The following LRRC36 variants were observed in gnomAD, a reference collection of about 807,000 sequenced individuals.
LRRC36 encodes leucine rich repeat containing 36.
In LRRC36, 62 loss-of-function variants were observed where a neutral mutation model predicts 81.1. That is an observed-to-expected ratio of 0.76 (90% CI 0.62 to 0.94). The LOEUF (loss-of-function observed/expected upper bound fraction) is 0.94, where lower values mean the gene tolerates loss of function less well. LRRC36 is among the 40% of genes least tolerant of loss of function. LRRC36 has a pLI of 0.00. For missense variants in LRRC36, 761 were observed against 881.7 expected, an observed-to-expected ratio of 0.86 and a Z score of 1.73; for synonymous variants, 334 against 348.6, an observed-to-expected ratio of 0.96 and a Z score of 0.47.
chr16:67,358,537 G>A (rs2039003706), intron 5 of LRRC36, among the ~76,000 whole-genome samples: 1 of 150,248 alleles, frequency 6.7e-6, no homozygotes, highest in African/African-American at 2.5e-5. Context: ...ATTTTTTGTG[G>A]AGATAAGGTC....
chr16:67,359,162 A>G (rs1024980147), intron 5 of LRRC36, among the ~76,000 whole-genome samples: 3 of 152,044 alleles, frequency 2.0e-5, no homozygotes, highest in Non-Finnish European at 2.9e-5. Context: ...CAGCAATTCC[A>G]CTCCTAGGTA....
chr16:67,378,315 C>T (rs952490257), intron 11 of LRRC36, among the ~76,000 whole-genome samples: 2 of 142,710 alleles, frequency 1.4e-5, no homozygotes, highest in African/African-American at 5.6e-5. Flanking sequence ...TCTCAGCTCA[C>T]TGCAACCTCC....
chr16:67,359,921 G>A (rs755222541), intron 5 of LRRC36, among the ~76,000 whole-genome samples: 23 of 152,082 alleles, frequency 1.5e-4, no homozygotes, highest in Non-Finnish European at 2.9e-4. Flanking sequence ...TCAGGAGTTC[G>A]AGACCAGCCT....
intron 5 of LRRC36, among the ~76,000 whole-genome samples, chr16:67,353,504 A>T (rs1266669149): frequency 6.6e-6 from 1 of 152,046 alleles, no homozygotes; most frequent in Non-Finnish European, 1.5e-5. Context: ...CTCGTGCCTC[A>T]GCCTTTGGAA....
Position 67,384,988 on chromosome 16 carries a change from T to C in LRRC36, c.2164T>C (p.Phe722Leu). 6.2e-7 allele frequency: 1 copy of C among 1,614,202 alleles called. No homozygotes were observed. The highest frequency in any genetic ancestry group is 2.2e-5 in the East Asian group (1 of 44,880). Residue 722 changes from phenylalanine (F) to leucine (L), a missense_variant, in exon 14 of 14, where the codon TTT becomes CTT. By Grantham distance (22) the Phe-to-Leu change is conservative. Transcript: ENST00000329956. ...KGHHLGRSSP[F>L]GKSTLSSSSP... ...TCATCATCTGGGGAGATCATCGCCC[T>C]TTGGGAAAAGCACGTTGTCTTCCTC...
intron 1 of LRRC36, among the ~76,000 whole-genome samples, chr16:67,340,975 AATATAGAATATGTATATTAT>A (rs1053715063): frequency 2.8e-5 from 4 of 142,252 alleles, no homozygotes; most frequent in Non-Finnish European, 6.1e-5. Flanking sequence ...TATTCTATAG[AATATAGAATATGTATATTAT>A]ATATAGAATA....
chr16:67,367,167 C>T lies in LRRC36; in HGVS notation c.905C>T (p.Thr302Ile). 6.2e-7 allele frequency: 1 copy of T among 1,614,168 alleles called. No homozygotes were observed. The highest frequency in any genetic ancestry group is 1.1e-5 in the South Asian group (1 of 91,082). ...CCAAAACCTGATACTTTTCATCTTA[C>T]CCATGATGCCTCATTGAGTAAATGC... The part of the protein sequence containing the change: ...LIPKPDTFHL[T>I]HDASLSKCLD... Residue 302 changes from threonine (T) to isoleucine (I), a missense_variant, in exon 8 of 14, where the codon ACC becomes ATC. By Grantham distance (89) the Thr-to-Ile change is moderately conservative. This residue lies in a region of LRRC36 where 139 missense variants were observed against 214.0 expected (regional missense o/e 0.65). Coordinates refer to ENST00000329956, the MANE Select transcript of LRRC36 (RefSeq NM_018296.6).
rs1463850975 is a variant in LRRC36, at chr16:67,363,620, C to G, written c.608C>G (p.Pro203Arg). The G allele has an allele frequency of 1.2e-6, 2 of 1,613,842 alleles. No homozygotes were observed. Among genetic ancestry groups the G allele is most frequent in the African/African-American group, 2.7e-5 (2 of 74,900 alleles). ...DSNKGLFIPF[P>R]NREIKDSLST... is the part of the protein sequence containing the mutation. The stretch of plus-strand genomic sequence containing the variant: ...AACAAAGGACTTTTTATTCCCTTCC[C>G]CAACCGGGAAATAAAGGATTCCCTA... The change falls in exon 6 of 14, where the codon CCC (proline) becomes CGC (arginine). Residue 203 changes from proline to arginine, a missense_variant. By Grantham distance (103) the Pro-to-Arg change is moderately radical (BLOSUM62 -2). This residue lies in a region of LRRC36 where 263 missense variants were observed against 279.3 expected (regional missense o/e 0.94). Coordinates refer to ENST00000329956, the MANE Select transcript of LRRC36 (RefSeq NM_018296.6).
chr16:67,378,010 A>G (rs2039970359), intron 11 of LRRC36, among the ~76,000 whole-genome samples: 1 of 152,236 alleles, frequency 6.6e-6, no homozygotes, highest in Admixed American at 6.5e-5. Context: ...ATCACTAAGA[A>G]TGCTGGCCAT....
chr16:67,357,584 T>G (rs946748707), intron 5 of LRRC36, among the ~76,000 whole-genome samples: 1 of 152,218 alleles, frequency 6.6e-6, no homozygotes, highest in Non-Finnish European at 1.5e-5. Flanking sequence ...AGAATGTCCC[T>G]TACTAGGCTG....
chr16:67,385,136 C>G lies in LRRC36; in HGVS notation c.*47C>G, dbSNP rs770674684. ...ACAGCTTCCCTGGTCCACAGAGGCT[C>G]TCACCGCCATTGCCACCAGTATGGT... On this transcript the variant is annotated 3_prime_UTR_variant, in exon 14 of 14. Coordinates refer to ENST00000329956, the MANE Select transcript of LRRC36 (RefSeq NM_018296.6). The G allele has an allele frequency of 2.1e-6, 3 of 1,448,666 alleles. No individual in the cohort carries two copies. Among genetic ancestry groups the G allele is most frequent in the Middle Eastern group, 4.4e-4 (2 of 4,576 alleles). 89.7% of individuals were successfully genotyped at this position (1,448,666 alleles called of 1,614,324 possible). A position where few individuals can be genotyped will look rare whatever the true frequency, so the allele number is the denominator to read the frequency against.
intron 3 of LRRC36, 82 bp downstream of exon 3, chr16:67,346,530 A>T: frequency 1.3e-6 from 1 of 790,268 alleles, no homozygotes; most frequent in Non-Finnish European, 2.0e-6. Flanking sequence ...GTTGGCCCAC[A>T]GTGTGCACTG....
intron 5 of LRRC36, among the ~76,000 whole-genome samples, chr16:67,358,660 C>T (rs937510730): frequency 3.9e-5 from 6 of 152,042 alleles, no homozygotes; most frequent in African/African-American, 9.6e-5. Flanking sequence ...ACCCATTCTA[C>T]ATAAAGAACT....
intron 1 of LRRC36, among the ~76,000 whole-genome samples, chr16:67,328,779 A>G (rs1264548391): frequency 6.6e-6 from 1 of 152,150 alleles, no homozygotes; most frequent in Non-Finnish European, 1.5e-5. Flanking sequence ...TCATCAATTC[A>G]TGGCCAAGCT....
intron 8 of LRRC36, among the ~76,000 whole-genome samples, chr16:67,369,092 T>A (rs1488376798): frequency 6.6e-6 from 1 of 152,170 alleles, no homozygotes; most frequent in African/African-American, 2.4e-5. Flanking sequence ...GTCCAGAGTT[T>A]AGGGAAGAAG....
intron 1 of LRRC36, among the ~76,000 whole-genome samples, chr16:67,327,471 C>T (rs544398218): frequency 4.6e-5 from 7 of 151,810 alleles, no homozygotes; most frequent in African/African-American, 1.7e-4. Flanking sequence ...GCAGCCTGGG[C>T]GACAGAGCGA....
rs563557626 is a variant in LRRC36 at position 67,367,296 on chromosome 16, G to A, written c.1034G>A (p.Gly345Glu). The change falls in exon 8 of 14, where the codon GGA (glycine) becomes GAA (glutamate). Residue 345 changes from glycine to glutamate, a missense_variant. By Grantham distance (98) the Gly-to-Glu change is moderately conservative. Transcript: ENST00000329956. ...TATTCTCAAACTCTATCCCTGCATG[G>A]AAGTCTTGGTAAAAGGCCTCAGAGA... is the stretch of plus-strand genomic sequence containing the variant. ...SCYSQTLSLH[G>E]SLGKRPQRSK... The A allele has an allele frequency of 6.2e-7, 1 of 1,614,156 alleles. No homozygotes were observed. The highest frequency in any genetic ancestry group is 2.2e-5 in the East Asian group (1 of 44,874).
chr16:67,383,130 C>A (rs1016018749), intron 13 of LRRC36, among the ~76,000 whole-genome samples: 46 of 132,972 alleles, frequency 3.5e-4, no homozygotes, highest in Non-Finnish European at 5.9e-4. Flanking sequence ...CAAAAAAAAT[C>A]AGAAGAGACT....
chr16:67,375,054 G>A (rs535126346), intron 9 of LRRC36, among the ~76,000 whole-genome samples, 193 bp from the exon 10 acceptor site: 13 of 151,794 alleles, frequency 8.6e-5, no homozygotes, highest in African/African-American at 3.1e-4. Context: ...TTGAACCTGG[G>A]AGGCAGAGAT....
Sources: allele counts gnomAD v4.1 joint callset (sites outside exome capture counted in the v4.1 genomes callset), GRCh38; gene constraint gnomAD v4.1.1; regional missense constraint gnomAD v4.1.1; transcripts MANE v1.5; gene names NCBI Gene and HGNC (gene_info 2026-07-23, HGNC 2026-07-21).